CGNL1: variants seen among roughly 807,000 people sequenced by gnomAD.
The protein encoded by CGNL1 is cingulin like 1.
A neutral mutation model predicts 141.2 loss-of-function variants in CGNL1; 132 were observed. The ratio of observed to expected loss-of-function variants is 0.93; its 90% CI spans 0.81 to 1.08. CGNL1 has a LOEUF of 1.08. Among genes scored for constraint, CGNL1 ranks in the 50% least tolerant of loss-of-function variants. The probability of loss-of-function intolerance (pLI) is 0.00; values close to 1 mark genes in which losing one functional copy is unlikely to be tolerated. For synonymous variants in CGNL1, 690 were observed against 622.1 expected, an observed-to-expected ratio of 1.11 and a Z score of -1.63; for missense variants, 1,870 against 1,588.6, an observed-to-expected ratio of 1.18 and a Z score of -3.01.
intron 16 of CGNL1, among the ~76,000 whole-genome samples, 177 bp from the exon 17 acceptor site, chr15:57,545,415 C>T (rs958001075): frequency 2.0e-5 from 3 of 152,208 alleles, no homozygotes; most frequent in Non-Finnish European, 2.9e-5. Context: ...CTCAGAGCCC[C>T]ATTTCCTCAC....
At chr15:57,546,034 G>T in intron 17 of CGNL1, 42 bp from the exon 18 acceptor site, 1 of 1,588,318 alleles carries the variant, frequency 6.3e-7, no homozygotes. Flanking sequence ...GCTGGGGCTG[G>T]GCCATCAGCC....
At chr15:57,509,536 G>T (rs2030040701) in intron 8 of CGNL1, among the ~76,000 whole-genome samples, 1 of 152,326 alleles carries the variant, frequency 6.6e-6, no homozygotes, top group East Asian at 1.9e-4. Flanking sequence ...TCAGCTTCCT[G>T]AGTCAGGCAG....
intron 8 of CGNL1, among the ~76,000 whole-genome samples, chr15:57,500,865 G>A (rs527378686): frequency 1.4e-4 from 21 of 152,268 alleles, no homozygotes; most frequent in African/African-American, 4.6e-4. Context: ...TTTATGTGAG[G>A]TGTTTGGAAG....
chr15:57,501,265 G>A (rs1192141711), intron 8 of CGNL1, among the ~76,000 whole-genome samples: 1 of 152,190 alleles, frequency 6.6e-6, no homozygotes. Context: ...GAGCCCCTAA[G>A]CAAGTGACTT....
intron 18 of CGNL1, 73 bp from the exon 19 acceptor site, chr15:57,547,282 C>T (rs1416860541): frequency 3.2e-6 from 5 of 1,563,742 alleles, no homozygotes; most frequent in Non-Finnish European, 4.3e-6. Flanking sequence ...AACCCAAAAC[C>T]CTCCCTTTAA....
At chr15:57,524,186 CT>C (rs1254624398) in intron 11 of CGNL1, among the ~76,000 whole-genome samples, 17 of 152,338 alleles carry the variant, frequency 1.1e-4, no homozygotes, top group African/African-American at 3.8e-4. Context: ...AGAATTTTAT[CT>C]GTATCTGCTG....
In CGNL1 at chr15:57,528,645, T is replaced by C. The variant is rs755039165; in HGVS notation, c.3040-9T>C. 7 of 1,613,738 alleles carry C rather than the reference T, an allele frequency of 4.3e-6. No homozygotes were observed. In the East Asian group the frequency reaches 1.6e-4, roughly 36 times the overall value. Reference sequence around the variant, plus strand: ...CCCAGAAAACCATCCCAGCTGTCTCTCCTCCTAGATGCGTCTGATGGAGGA... The same window carrying C: ...CCCAGAAAACCATCCCAGCTGTCTCCCCTCCTAGATGCGTCTGATGGAGGA... On this transcript the variant is annotated splice_polypyrimidine_tract_variant and intron_variant, in intron 12 of 18. Transcript: ENST00000281282.
intron 1 of CGNL1, among the ~76,000 whole-genome samples, chr15:57,383,510 G>A (rs540826365): frequency 2.0e-5 from 3 of 152,152 alleles, no homozygotes; most frequent in Admixed American, 1.3e-4. Flanking sequence ...ATGTTAGCCA[G>A]GATGGTCTCT....
At chr15:57,508,072 C>T (rs1261303871) in intron 8 of CGNL1, among the ~76,000 whole-genome samples, 1 of 152,216 alleles carries the variant, frequency 6.6e-6, no homozygotes, top group African/African-American at 2.4e-5. Flanking sequence ...TTGGAATCAA[C>T]TCTTCCTTGG....
intron 8 of CGNL1, among the ~76,000 whole-genome samples, chr15:57,500,656 GA>G (rs11459995): frequency 6.6e-6 from 1 of 151,814 alleles, no homozygotes; most frequent in African/African-American, 2.4e-5. Flanking sequence ...AAGACTTTGG[GA>G]AAAAAAAGCG....
Position 57,438,178 on chromosome 15 carries a change from C to A in CGNL1, c.179C>A (p.Thr60Lys). The A allele has an allele frequency of 6.2e-7, 1 of 1,614,192 alleles. No homozygotes were observed. The highest frequency in any genetic ancestry group is 8.5e-7 in the Non-Finnish European group (1 of 1,180,020). ...CACCCCTATATTGTCCTGAATAACA[C>A]AGAACGGTGCCTAGCAGGCACATCG... is the stretch of plus-strand genomic sequence containing the variant. Reference protein sequence around the residue: ...DGHPYIVLNNTERCLAGTSFS... With the variant: ...DGHPYIVLNNKERCLAGTSFS... The change falls in exon 2 of 19, where the codon ACA (threonine) becomes AAA (lysine). Residue 60 changes from threonine to lysine, a missense_variant. Thr to Lys is a moderately conservative substitution (Grantham distance 78). Transcript: ENST00000281282.
chr15:57,480,392 C>G (rs2063710916), intron 8 of CGNL1, among the ~76,000 whole-genome samples: 1 of 150,758 alleles, frequency 6.6e-6, no homozygotes, highest in Non-Finnish European at 1.5e-5. Context: ...TGGTGGTGTA[C>G]ATTTGTAATC....
At chr15:57,522,649 C>T (rs192689387) in intron 10 of CGNL1, among the ~76,000 whole-genome samples, 1 of 152,290 alleles carries the variant, frequency 6.6e-6, no homozygotes, top group African/African-American at 2.4e-5. Context: ...TTAAAGAAGC[C>T]ACCATAACTT....
chr15:57,510,855 A>G (rs1369855480), intron 8 of CGNL1, among the ~76,000 whole-genome samples: 1 of 152,102 alleles, frequency 6.6e-6, no homozygotes, highest in African/African-American at 2.4e-5. Flanking sequence ...TTGCTTAACT[A>G]TGTAAACTGG....
chr15:57,483,454 T>G (rs1011470013), intron 8 of CGNL1, among the ~76,000 whole-genome samples: 3 of 148,090 alleles, frequency 2.0e-5, no homozygotes, highest in East Asian at 1.9e-4. Context: ...AAATCACATA[T>G]TCTACAAAGT....
At chr15:57,541,052 G>A (rs1435378797) in intron 14 of CGNL1, among the ~76,000 whole-genome samples, 2 of 152,218 alleles carry the variant, frequency 1.3e-5, no homozygotes, top group African/African-American at 4.8e-5. Flanking sequence ...GGTAGAGGAG[G>A]CACCAGGTTG....
At chr15:57,493,625 C>T (rs1247571992) in intron 8 of CGNL1, among the ~76,000 whole-genome samples, 2 of 152,122 alleles carry the variant, frequency 1.3e-5, no homozygotes, top group Admixed American at 6.5e-5. Flanking sequence ...AGAATGAAGA[C>T]GCATGAGTTA....
intron 8 of CGNL1, among the ~76,000 whole-genome samples, chr15:57,482,622 A>G (rs1257482290): frequency 5.3e-5 from 8 of 152,096 alleles, no homozygotes; most frequent in Non-Finnish European, 4.4e-5. Context: ...TGGGCTCTCT[A>G]TTCTGTTTCA....
chr15:57,429,942 C>G (rs1396933527), intron 1 of CGNL1, among the ~76,000 whole-genome samples: 1 of 152,138 alleles, frequency 6.6e-6, no homozygotes, highest in African/African-American at 2.4e-5. Context: ...GCCTGAGTAG[C>G]TGGGACTACA....
Sources: gnomAD v4.1 joint callset for allele counts (sites outside exome capture counted in the v4.1 genomes callset) on GRCh38, gnomAD v4.1.1 for gene constraint, MANE v1.5 for transcripts, NCBI Gene and HGNC (gene_info 2026-07-23, HGNC 2026-07-21) for gene names.